The following GAB2 variants were observed in gnomAD, a reference collection of about 807,000 sequenced individuals.
The protein encoded by GAB2 is GRB2-associated-binding protein 2.
In GAB2, 26 loss-of-function variants were observed where a neutral mutation model predicts 65.5. The observed-to-expected ratio is 0.40, with a 90% CI of 0.29 to 0.55. GAB2 has a LOEUF of 0.55. Ranked by LOEUF, GAB2 falls within the 20% of genes least tolerant of loss-of-function variation. GAB2 has a pLI of 0.53. For missense variants in GAB2, 884 were observed against 875.8 expected, an observed-to-expected ratio of 1.01 and a Z score of -0.12; for synonymous variants, 321 against 329.6, an observed-to-expected ratio of 0.97 and a Z score of 0.28.
rs564703513 is a variant in GAB2, at chr11:78,226,974, C to A, written c.698G>T (p.Gly233Val). ...GATCCCGTTGACACAGTGTCCATTG[C>A]CCTGGGCAAGTTTTTGTACAGCTGT... ...SDTAVQKLAQ[G>V]NGHCVNGISG... The change falls in exon 4 of 10, where the codon GGC becomes GTC. Residue 233 changes from glycine (G) to valine (V), a missense_variant. By Grantham distance (109) the Gly-to-Val change is moderately radical. Coordinates refer to ENST00000361507, the MANE Select transcript of GAB2 (RefSeq NM_080491.3). The A allele has an allele frequency of 1.4e-5, 23 of 1,613,584 alleles. No homozygotes were observed. Among genetic ancestry groups the A allele is most frequent in the Non-Finnish European group, 1.9e-5 (23 of 1,179,822 alleles).
At chr11:78,339,072 G>A (rs968989892) in intron 1 of GAB2, among the ~76,000 whole-genome samples, 3 of 151,992 alleles carry the variant, frequency 2.0e-5, no homozygotes, top group African/African-American at 7.3e-5. Context: ...ATAGGCATGT[G>A]TCACCACACC....
intron 1 of GAB2, among the ~76,000 whole-genome samples, chr11:78,413,905 G>A (rs1310164879): frequency 1.3e-5 from 2 of 152,064 alleles, no homozygotes; most frequent in African/African-American, 2.4e-5. Flanking sequence ...CCTCACCAAC[G>A]TGGTCAAGCC....
intron 2 of GAB2, among the ~76,000 whole-genome samples, chr11:78,260,475 C>CTT (rs61091091): frequency 0.02 from 2,987 of 145,944 alleles, 47 homozygotes; most frequent in Middle Eastern, 0.061. Context: ...CCTTCTAAAT[C>CTT]TTTTTTTTTT....
chr11:78,280,211 GGACA>G (rs774968574), intron 2 of GAB2, among the ~76,000 whole-genome samples: 7 of 152,162 alleles, frequency 4.6e-5, no homozygotes, highest in Admixed American at 6.5e-5. Flanking sequence ...AAATGGGCTA[GGACA>G]GACAGAGATG....
intron 1 of GAB2, among the ~76,000 whole-genome samples, chr11:78,403,040 T>C (rs546878873): frequency 9.2e-5 from 14 of 152,258 alleles, no homozygotes; most frequent in East Asian, 3.9e-4. Flanking sequence ...ATGGAAGACA[T>C]TGTCTATGAG....
intron 4 of GAB2, 97 bp from the exon 5 acceptor site, chr11:78,225,299 C>T: frequency 1.3e-6 from 1 of 750,724 alleles, no homozygotes. Context: ...CTTACTGATA[C>T]TCCAGAAGAT....
chr11:78,339,415 T>C (rs1048561520), intron 1 of GAB2, among the ~76,000 whole-genome samples: 3 of 152,162 alleles, frequency 2.0e-5, no homozygotes, highest in Non-Finnish European at 4.4e-5. Flanking sequence ...AATAGACAAG[T>C]GTCATTTCAA....
intron 2 of GAB2, among the ~76,000 whole-genome samples, chr11:78,258,923 G>A (rs1321710901): frequency 6.6e-6 from 1 of 151,984 alleles, no homozygotes; most frequent in African/African-American, 2.4e-5. Flanking sequence ...TTGTTATGTA[G>A]GTAAACTTGT....
chr11:78,250,460 G>A, intron 2 of GAB2, 60 bp from the exon 3 acceptor site: 3 of 1,487,842 alleles, frequency 2.0e-6, no homozygotes, highest in Middle Eastern at 3.4e-4. Flanking sequence ...TTATCCCAAA[G>A]TGAGTTGTCA....
intron 1 of GAB2, among the ~76,000 whole-genome samples, chr11:78,311,624 C>T (rs892514237): frequency 1.3e-5 from 2 of 152,200 alleles, no homozygotes; most frequent in East Asian, 1.9e-4. Flanking sequence ...CAACAAAAGC[C>T]TCTGCGTGCC....
chr11:78,341,744 G>T, intron 1 of GAB2: 1 of 985,648 alleles, frequency 1.0e-6, no homozygotes, highest in Non-Finnish European at 1.2e-6. Context: ...CATACTCTTT[G>T]TTTCCCAAAA....
intron 1 of GAB2, among the ~76,000 whole-genome samples, chr11:78,333,770 T>G (rs1855954093): frequency 6.6e-6 from 1 of 152,216 alleles, no homozygotes; most frequent in Non-Finnish European, 1.5e-5. Flanking sequence ...CTTGGCAGCA[T>G]TTGAGACACC....
chr11:78,241,193 T>C (rs1029335003), intron 3 of GAB2, among the ~76,000 whole-genome samples: 4 of 152,258 alleles, frequency 2.6e-5, no homozygotes, highest in African/African-American at 9.6e-5. Context: ...CCAGTTATTG[T>C]TGATGTTGAA....
intron 1 of GAB2, among the ~76,000 whole-genome samples, chr11:78,387,858 G>T (rs1195943408): frequency 1.3e-5 from 2 of 152,074 alleles, no homozygotes; most frequent in East Asian, 1.9e-4. Flanking sequence ...GTCAAAATGT[G>T]GTTCTTTTAT....
At chr11:78,372,767 A>G (rs1856588091) in intron 1 of GAB2, among the ~76,000 whole-genome samples, 2 of 152,186 alleles carry the variant, frequency 1.3e-5, no homozygotes, top group South Asian at 4.1e-4. Context: ...TTATCTCTTA[A>G]TCAATTCTCT....
chr11:78,309,464 CTTTTTT>C (rs5792803), intron 1 of GAB2, among the ~76,000 whole-genome samples: 1 of 137,438 alleles, frequency 7.3e-6, no homozygotes, highest in Non-Finnish European at 1.6e-5. Flanking sequence ...TGCCCCCTGC[CTTTTTT>C]TTTTTTTTTT....
intron 1 of GAB2, among the ~76,000 whole-genome samples, chr11:78,397,392 C>G (rs1856915792): frequency 2.6e-5 from 4 of 152,202 alleles, no homozygotes; most frequent in Admixed American, 2.6e-4. Context: ...ATTGGAAAAG[C>G]TACCATTTTA....
At chr11:78,368,947 ATTTG>A (rs944863555) in intron 1 of GAB2, among the ~76,000 whole-genome samples, 17 of 151,852 alleles carry the variant, frequency 1.1e-4, no homozygotes, top group African/African-American at 4.1e-4. Flanking sequence ...AAATTTTTTA[ATTTG>A]TTTAAAATTA....
Position 78,250,295 on chromosome 11 carries a change from G to C in GAB2, c.482C>G (p.Pro161Arg). 1 of 1,613,768 alleles carries C rather than the reference G, an allele frequency of 6.2e-7. No individual in the cohort carries two copies. Among genetic ancestry groups the C allele is most frequent in the Non-Finnish European group, 8.5e-7 (1 of 1,179,952 alleles). The change falls in exon 3 of 10, where the codon CCA (proline) becomes CGA (arginine). Residue 161 changes from proline (P) to arginine (R), a missense_variant. Coordinates refer to ENST00000361507, the MANE Select transcript of GAB2 (RefSeq NM_080491.3). ...CAGAGTTGGCTGGCTGGAGTGTGAT[G>C]GGGCTGAGGACTTGCGCTCTCGGAG... ...HLLRERKSSA[P>R]SHSSQPTLFT...
Sources: allele counts gnomAD v4.1 joint callset (sites outside exome capture counted in the v4.1 genomes callset), GRCh38; gene constraint gnomAD v4.1.1; transcripts MANE v1.5; gene names NCBI Gene and HGNC (gene_info 2026-07-23, HGNC 2026-07-21).